The following MOB1B variants were observed in gnomAD, a reference collection of about 807,000 sequenced individuals.
MOB1B encodes the protein MOB1 Mps One Binder homolog B.
A neutral mutation model predicts 24.4 loss-of-function variants in MOB1B; 19 were observed. The ratio of observed to expected loss-of-function variants is 0.78; its 90% CI spans 0.54 to 1.14. The LOEUF (loss-of-function observed/expected upper bound fraction) is 1.14, where lower values mean the gene tolerates loss of function less well. MOB1B is among the 50% of genes most tolerant of loss of function. The probability of loss-of-function intolerance (pLI) is 0.00; values close to 1 mark genes in which losing one functional copy is unlikely to be tolerated. For missense variants in MOB1B, 243 were observed against 259.6 expected, an observed-to-expected ratio of 0.94 and a Z score of 0.44; for synonymous variants, 76 against 82.1, an observed-to-expected ratio of 0.93 and a Z score of 0.40.
chr4:70,943,339 T>C (rs1166779164), intron 1 of MOB1B, among the ~76,000 whole-genome samples: 3 of 152,218 alleles, frequency 2.0e-5, no homozygotes, highest in Non-Finnish European at 2.9e-5. Flanking sequence ...ACAGCTGTTA[T>C]AACTGTGATG....
intron 1 of MOB1B, among the ~76,000 whole-genome samples, chr4:70,939,197 G>A (rs981034264): frequency 1.1e-4 from 17 of 152,164 alleles, no homozygotes; most frequent in African/African-American, 3.9e-4. Context: ...AAATGGTTTA[G>A]TACTTACAAG....
chr4:70,902,295 C>T (rs1471046197), upstream of MOB1B: 11 of 594,546 alleles, frequency 1.9e-5, no homozygotes, highest in South Asian at 1.7e-4. Flanking sequence ...AGAGCCTGCC[C>T]CGCCTCCCTT....
At chr4:70,976,391 T>A in intron 4 of MOB1B, 1 of 981,942 alleles carries the variant, frequency 1.0e-6, no homozygotes, top group African/African-American at 1.7e-5. Flanking sequence ...ATATGAATCT[T>A]ACAGATTCAG....
intron 1 of MOB1B, among the ~76,000 whole-genome samples, chr4:70,955,911 T>G (rs1228026853): frequency 1.3e-5 from 2 of 152,078 alleles, no homozygotes; most frequent in Non-Finnish European, 2.9e-5. Context: ...CATTTTATTT[T>G]TATTTTTTGG....
chr4:70,980,441 A>G (rs1481669456), intron 5 of MOB1B, among the ~76,000 whole-genome samples: 1 of 152,192 alleles, frequency 6.6e-6, no homozygotes, highest in Non-Finnish European at 1.5e-5. Flanking sequence ...CCCAACTCCT[A>G]GCAAATAGCA....
At chr4:70,963,427 G>T (rs889942228) in intron 2 of MOB1B, among the ~76,000 whole-genome samples, 4 of 152,124 alleles carry the variant, frequency 2.6e-5, no homozygotes, top group African/African-American at 9.7e-5. Flanking sequence ...CAATGAGTAG[G>T]ATAAATAGAT....
intron 1 of MOB1B, among the ~76,000 whole-genome samples, chr4:70,906,685 C>G (rs938776766): frequency 6.6e-6 from 1 of 152,172 alleles, no homozygotes; most frequent in Non-Finnish European, 1.5e-5. Context: ...TAAATTTGCA[C>G]TGCATATGTG....
chr4:70,958,764 C>T lies in MOB1B; in HGVS notation c.15-110C>T, dbSNP rs896140063. Reference sequence around the variant, plus strand: ...GGAGAGCACAGTAGTTACAGCAATTCTATTGCTGGGATTTAAGCCAATACA... The same window carrying T: ...GGAGAGCACAGTAGTTACAGCAATTTTATTGCTGGGATTTAAGCCAATACA... On this transcript the variant is annotated intron_variant, in intron 1 of 5. Transcript: ENST00000309395. 4.8e-5 allele frequency: 48 copies of T among 995,066 alleles called. No homozygotes were observed. In the African/African-American group the frequency reaches 6.8e-4, roughly 14 times the overall value. 61.6% of individuals were successfully genotyped at this position (995,066 alleles called of 1,614,324 possible).
chr4:70,956,666 C>G (rs988571742), intron 1 of MOB1B, among the ~76,000 whole-genome samples: 2 of 152,164 alleles, frequency 1.3e-5, no homozygotes, highest in Non-Finnish European at 2.9e-5. Context: ...GCAATCTGCC[C>G]GCCTCGACCT....
intron 1 of MOB1B, among the ~76,000 whole-genome samples, chr4:70,910,566 T>C (rs184568189): frequency 5.1e-4 from 77 of 152,068 alleles, no homozygotes; most frequent in African/African-American, 1.9e-3. Flanking sequence ...ATGCTGGGAC[T>C]CTCTTCTAAG....
At position 70,902,540 on chromosome 4, in the gene MOB1B, A is replaced by C; in HGVS notation, c.4A>C (p.Ser2Arg). ...TGCAGCCTGCCCCGCGGCCAACATG[A>C]GCTTCTTGTTGTGAGTAGCCAGGCC... M[S>R]FLFGSRSSKT... The change falls in exon 1 of 6, where the codon AGC becomes CGC. Residue 2 changes from serine (S) to arginine (R), a missense_variant. Transcript: ENST00000309395. The C allele has an allele frequency of 6.4e-7, 1 of 1,564,532 alleles. No individual in the cohort carries two copies. Among genetic ancestry groups the C allele is most frequent in the Non-Finnish European group, 8.7e-7 (1 of 1,155,704 alleles).
At chr4:70,937,024 C>A (rs1421854363) in intron 1 of MOB1B, among the ~76,000 whole-genome samples, 1 of 152,034 alleles carries the variant, frequency 6.6e-6, no homozygotes, top group Non-Finnish European at 1.5e-5. Flanking sequence ...TCAAGCTATT[C>A]TCCTGCCTCA....
intron 1 of MOB1B, among the ~76,000 whole-genome samples, chr4:70,957,922 T>C (rs1738136090): frequency 6.6e-6 from 1 of 151,898 alleles, no homozygotes; most frequent in South Asian, 2.1e-4. Context: ...TAAAAACTAT[T>C]AAAACCACCT....
intron 1 of MOB1B, among the ~76,000 whole-genome samples, chr4:70,923,097 C>G (rs1736501016): frequency 6.6e-6 from 1 of 152,194 alleles, no homozygotes; most frequent in African/African-American, 2.4e-5. Context: ...AGGCCCCCTG[C>G]TTAGAACCGC....
chr4:70,910,427 A>G (rs1403018400), intron 1 of MOB1B, among the ~76,000 whole-genome samples: 1 of 151,762 alleles, frequency 6.6e-6, no homozygotes, highest in South Asian at 2.1e-4. Context: ...GTATATACAT[A>G]TATACACACA....
chr4:70,973,251 G>A (rs1173881353), intron 3 of MOB1B, among the ~76,000 whole-genome samples: 1 of 152,142 alleles, frequency 6.6e-6, no homozygotes, highest in Middle Eastern at 3.4e-3. Context: ...TGTGAGGGAA[G>A]GTTAAAAATG....
chr4:70,902,171 G>A (rs1384849908), upstream of MOB1B, among the ~76,000 whole-genome samples: 6 of 152,180 alleles, frequency 3.9e-5, no homozygotes, highest in African/African-American at 9.6e-5. Flanking sequence ...AGCAGCAGAG[G>A]AGACCAGAAG....
intron 2 of MOB1B, among the ~76,000 whole-genome samples, chr4:70,964,585 A>G (rs1441451902): frequency 6.6e-6 from 1 of 152,222 alleles, no homozygotes; most frequent in Non-Finnish European, 1.5e-5. Context: ...TGAACTAAGC[A>G]TCCATCTCCA....
At chr4:70,964,824 G>A (rs1335901649) in intron 2 of MOB1B, among the ~76,000 whole-genome samples, 1 of 151,868 alleles carries the variant, frequency 6.6e-6, no homozygotes, top group Non-Finnish European at 1.5e-5. Context: ...CAGCTACGTG[G>A]GAGGCTGAGG....
Sources: gnomAD v4.1 joint callset for allele counts (sites outside exome capture counted in the v4.1 genomes callset) on GRCh38, gnomAD v4.1.1 for gene constraint, MANE v1.5 for transcripts, NCBI Gene and HGNC (gene_info 2026-07-23, HGNC 2026-07-21) for gene names.